Variants in PRKN observed in about 807,000 individuals in gnomAD.
The protein encoded by PRKN is parkin RBR E3 ubiquitin protein ligase.
Under a neutral mutation model 59.5 loss-of-function variants are expected in PRKN, and 56 were observed. The observed-to-expected ratio is 0.94, with a 90% CI of 0.76 to 1.18. The LOEUF is 1.18. PRKN is among the 50% of genes most tolerant of loss of function. PRKN has a pLI of 0.00. For missense variants in PRKN, 657 were observed against 596.4 expected (o/e 1.10, Z -1.06); for synonymous variants, 250 against 222.1 (o/e 1.13, Z -1.12).
At chr6:162,388,239 C>A (rs914733882) in intron 2 of PRKN, among the ~76,000 whole-genome samples, 2 of 152,074 alleles carry the variant, frequency 1.3e-5, no homozygotes, top group African/African-American at 4.8e-5. Flanking sequence ...CCGAGGAAGG[C>A]GCCTGAGGAG....
intron 1 of PRKN, among the ~76,000 whole-genome samples, chr6:162,515,953 T>C (rs547125736): frequency 1.3e-5 from 2 of 152,304 alleles, no homozygotes; most frequent in African/African-American, 4.8e-5. Flanking sequence ...CGCCCTGAAG[T>C]ATCAATTAAA....
At position 161,393,875 on chromosome 6, in the gene PRKN, A is replaced by G. The variant is rs12210160; in HGVS notation, c.1084-6998T>C. 0.074 allele frequency among the ~76,000 whole-genome samples: 11,243 copies of G among 152,298 alleles called. 483 individuals carry two copies. The highest frequency in any genetic ancestry group is 0.1 in the Admixed American group (1,562 of 15,306). ...ATTCTGTGTTAAAAGAATAGGAGAG[A>G]ATCAAATACCATCTTAGGACCCCTT... On this transcript the variant is annotated intron_variant, in intron 9 of 11. Transcript: ENST00000366898. The surrounding 1 kb of genome is among the most constrained non-coding windows in gnomAD (Gnocchi z 4.7).
intron 1 of PRKN, among the ~76,000 whole-genome samples, chr6:162,476,873 C>G (rs1235435973): frequency 1.3e-5 from 2 of 152,100 alleles, no homozygotes; most frequent in Non-Finnish European, 2.9e-5. Context: ...GAGAGAGAGT[C>G]TTTAATTGGC....
At chr6:162,617,243 A>G (rs1782461633) in intron 1 of PRKN, among the ~76,000 whole-genome samples, 1 of 152,012 alleles carries the variant, frequency 6.6e-6, no homozygotes, top group Non-Finnish European at 1.5e-5. Context: ...GATTAATATT[A>G]TTTTTTGAGA....
At chr6:161,719,869 C>T (rs902364855) in intron 7 of PRKN, among the ~76,000 whole-genome samples, 4 of 152,192 alleles carry the variant, frequency 2.6e-5, no homozygotes, top group African/African-American at 9.6e-5. Flanking sequence ...TGGCCTCAAG[C>T]GATCCTCCAG....
chr6:161,722,289 T>C (rs956810847), intron 7 of PRKN, among the ~76,000 whole-genome samples: 1 of 152,186 alleles, frequency 6.6e-6, no homozygotes, highest in African/African-American at 2.4e-5. Context: ...GATTTTTACG[T>C]AACTGGATTC....
rs1786222947 is a variant in PRKN, at chr6:162,378,121, A to G, written c.171+65189T>C. On this transcript the variant is annotated intron_variant, in intron 2 of 11. Transcript: ENST00000366898. ...TAGGTTTACAAATGTAAGGTAAGAG[A>G]TAAAGAAAGACCATCTATCTGGAGT... 2.0e-5 allele frequency among the ~76,000 whole-genome samples: 3 copies of G among 152,196 alleles called. No individual in the cohort carries two copies. The South Asian group carries it at 6.2e-4, about 31-fold the overall frequency.
intron 7 of PRKN, among the ~76,000 whole-genome samples, chr6:161,768,042 A>AT (rs1380012090): frequency 6.6e-6 from 1 of 150,638 alleles, no homozygotes; most frequent in Non-Finnish European, 1.5e-5. Context: ...GGATGACTTC[A>AT]TTTTTTCTAC....
chr6:161,403,325 A>T lies in PRKN; in HGVS notation c.1084-16448T>A, dbSNP rs141758148. 3.3e-5 allele frequency among the ~76,000 whole-genome samples: 5 copies of T among 152,302 alleles called. No individual in the cohort carries two copies. The East Asian group carries it at 9.6e-4, about 29-fold the overall frequency. On this transcript the variant is annotated intron_variant, in intron 9 of 11. Transcript: ENST00000366898. ...AGATCATGGCAAACACTAAAAAAGC[A>T]CAAAAAAGCCAGATTGTTTTGATAA...
chr6:162,575,537 C>A lies in PRKN; in HGVS notation c.8-132064G>T, dbSNP rs114841343. Among the ~76,000 whole-genome samples, 650 of 145,770 alleles carry A rather than the reference C, an allele frequency of 4.5e-3. 5 individuals are homozygous for A. The highest frequency in any genetic ancestry group is 0.016 in the African/African-American group (608 of 37,372). On this transcript the variant is annotated intron_variant, in intron 1 of 11. Coordinates refer to ENST00000366898, the MANE Select transcript of PRKN (RefSeq NM_004562.3). ...ATTTAATGCAGTCTTACTTGTTGAC[C>A]CCCTAGCTCCCAGGACTTACAGTTT... is the stretch of plus-strand genomic sequence containing the variant.
rs1053128804 is a variant in PRKN, at chr6:161,355,296, C to T, written c.1285+4792G>A. 1.3e-5 allele frequency among the ~76,000 whole-genome samples: 2 copies of T among 152,240 alleles called. No homozygotes were observed. The highest frequency in any genetic ancestry group is 2.9e-5 in the Non-Finnish European group (2 of 68,046). ...ATCTCTTCCAGGAAGCCTCCTCCTC[C>T]GGGTCTGTGTGCCCTGATAGCTTGC... On this transcript the variant is annotated intron_variant, in intron 11 of 11. Coordinates refer to ENST00000366898, the MANE Select transcript of PRKN (RefSeq NM_004562.3). This position sits in a 1 kb window ranked among gnomAD's most constrained non-coding sequence, Gnocchi z 6.8.
intron 2 of PRKN, among the ~76,000 whole-genome samples, chr6:162,412,456 G>A (rs1583527943): frequency 6.6e-6 from 1 of 151,994 alleles, no homozygotes; most frequent in East Asian, 2.0e-4. Flanking sequence ...GTTCTTCATA[G>A]CAATCCAGTA....
chr6:162,055,076 C>A (rs946962524), intron 4 of PRKN, among the ~76,000 whole-genome samples: 2 of 152,136 alleles, frequency 1.3e-5, no homozygotes, highest in South Asian at 2.1e-4. Flanking sequence ...GTAGGAGAAT[C>A]GCTTGAATGC....
intron 1 of PRKN, among the ~76,000 whole-genome samples, chr6:162,692,143 C>CT (rs1777797851): frequency 1.4e-5 from 2 of 142,076 alleles, no homozygotes; most frequent in Non-Finnish European, 3.0e-5. Flanking sequence ...TACCCTAAAA[C>CT]TTAAAGTATA....
chr6:162,714,020 C>G (rs1169837407), intron 1 of PRKN, among the ~76,000 whole-genome samples: 1 of 152,178 alleles, frequency 6.6e-6, no homozygotes, highest in Non-Finnish European at 1.5e-5. Context: ...TTTTTCAGAA[C>G]AGCCACCATC....
chr6:162,008,941 T>C (rs1337416553), intron 5 of PRKN, among the ~76,000 whole-genome samples: 2 of 151,494 alleles, frequency 1.3e-5, no homozygotes, highest in African/African-American at 2.4e-5. Flanking sequence ...CAAAATAAAC[T>C]ATGTAAAAAG....
At chr6:161,374,423 A>G (rs371852910) in intron 10 of PRKN, among the ~76,000 whole-genome samples, 2 of 143,518 alleles carry the variant, frequency 1.4e-5, no homozygotes, top group Non-Finnish European at 3.0e-5. Context: ...TGTGTGGTGC[A>G]TATGTGTGGT....
At chr6:162,155,318 C>A (rs1322660704) in intron 4 of PRKN, among the ~76,000 whole-genome samples, 1 of 152,112 alleles carries the variant, frequency 6.6e-6, no homozygotes, top group African/African-American at 2.4e-5. Context: ...CAAGTGAAAA[C>A]TAATTTAAAT....
chr6:161,655,014 G>T (rs1460289615), intron 7 of PRKN, among the ~76,000 whole-genome samples: 1 of 152,218 alleles, frequency 6.6e-6, no homozygotes, highest in African/African-American at 2.4e-5. Flanking sequence ...GTCAGAGCCA[G>T]ACGAGGTGTC....
Sources: allele counts gnomAD v4.1 joint callset (sites outside exome capture counted in the v4.1 genomes callset), GRCh38; gene constraint gnomAD v4.1.1; non-coding constraint Gnocchi (gnomAD v3.1); transcripts MANE v1.5; gene names NCBI Gene and HGNC (gene_info 2026-07-23, HGNC 2026-07-21).